Variants in RYK observed in about 807,000 individuals in gnomAD.
The protein encoded by RYK is receptor like tyrosine kinase.
In RYK, 21 loss-of-function variants were observed where a neutral mutation model predicts 70.2. The ratio of observed to expected loss-of-function variants is 0.30; its 90% CI spans 0.21 to 0.43. The LOEUF is 0.43. Among genes scored for constraint, RYK ranks in the 20% least tolerant of loss-of-function variants. The pLI is 1.00. For missense variants in RYK, 604 were observed against 753.3 expected, an observed-to-expected ratio of 0.80 and a Z score of 2.32; for synonymous variants, 267 against 278.0, an observed-to-expected ratio of 0.96 and a Z score of 0.39.
chr3:134,202,970 G>A (rs1282052516), intron 5 of RYK, 96 bp from the exon 6 acceptor site: 1 of 956,282 alleles, frequency 1.0e-6, no homozygotes, highest in Non-Finnish European at 1.6e-6. Flanking sequence ...CTTTTCATGT[G>A]CCCATTCTTT....
chr3:134,198,429 G>T (rs2013881661), intron 6 of RYK, among the ~76,000 whole-genome samples: 1 of 152,208 alleles, frequency 6.6e-6, no homozygotes, highest in Non-Finnish European at 1.5e-5. Context: ...ATACAGCAAT[G>T]AATGCAACAG....
chr3:134,175,579 CT>C, intron 13 of RYK, 29 bp downstream of exon 13: 1 of 1,598,194 alleles, frequency 6.3e-7, no homozygotes, highest in Non-Finnish European at 8.5e-7. Context: ...TTTCTCTATT[CT>C]TTTGCTATCT....
At chr3:134,235,773 A>G (rs1003916174) in intron 1 of RYK, among the ~76,000 whole-genome samples, 2 of 152,138 alleles carry the variant, frequency 1.3e-5, no homozygotes, top group African/African-American at 4.8e-5. Flanking sequence ...AGGTTAAGTG[A>G]GTAGTGAGAA....
At chr3:134,214,803 A>T (rs1560019361) in intron 2 of RYK, among the ~76,000 whole-genome samples, 1 of 152,138 alleles carries the variant, frequency 6.6e-6, no homozygotes, top group Non-Finnish European at 1.5e-5. Flanking sequence ...ACTAGTACAG[A>T]GGAACCCCAT....
chr3:134,244,910 G>A (rs1334743961), intron 1 of RYK, among the ~76,000 whole-genome samples: 2 of 152,096 alleles, frequency 1.3e-5, no homozygotes, highest in Admixed American at 1.3e-4. Flanking sequence ...AAAGACCCAG[G>A]GGAGCTCGTT....
chr3:134,230,316 A>G (rs1235362318), intron 1 of RYK, among the ~76,000 whole-genome samples: 3 of 152,188 alleles, frequency 2.0e-5, no homozygotes, highest in African/African-American at 4.8e-5. Context: ...CCTGACCTCA[A>G]GTGATCCATC....
At chr3:134,216,654 A>G (rs1157944578) in intron 2 of RYK, among the ~76,000 whole-genome samples, 2 of 151,698 alleles carry the variant, frequency 1.3e-5, no homozygotes, top group Non-Finnish European at 2.9e-5. Flanking sequence ...TTAGCTGGGC[A>G]TGGTAGCGGG....
At position 134,188,941 on chromosome 3, in the gene RYK, A is replaced by T. The variant is rs754483794; in HGVS notation, c.1016-18T>A. 6 of 1,340,624 alleles carry T rather than the reference A, an allele frequency of 4.5e-6. No individual in the cohort carries two copies. Among genetic ancestry groups the T allele is most frequent in the African/African-American group, 1.5e-5 (1 of 68,540 alleles). The allele number at this position is 1,340,624 out of a possible 1,614,324, so 83.0% of individuals were successfully genotyped here. Reference sequence around the variant, plus strand: ...AAAAGTACCTAAAAGGAAAAGTAATAATTAATGAGATCATACAACATTCAT... The same window carrying T: ...AAAAGTACCTAAAAGGAAAAGTAATTATTAATGAGATCATACAACATTCAT... On this transcript the variant is annotated intron_variant, in intron 8 of 14. Coordinates refer to ENST00000623711, the MANE Select transcript of RYK (RefSeq NM_002958.4).
chr3:134,160,100 CAA>C (rs2012406308), intron 13 of RYK, among the ~76,000 whole-genome samples: 1 of 152,176 alleles, frequency 6.6e-6, no homozygotes, highest in Admixed American at 6.5e-5. Flanking sequence ...GATCTGCCGC[CAA>C]GTGTGAACCC....
chr3:134,212,696 C>T lies in RYK; in HGVS notation c.355-1089G>A, dbSNP rs150094033. On this transcript the variant is annotated intron_variant, in intron 2 of 14. Coordinates refer to ENST00000623711, the MANE Select transcript of RYK (RefSeq NM_002958.4). Reference sequence around the variant, plus strand: ...TATATATGCTAGTGAAAAAAGCTAACGAAATGGTACATAATAAAGATGAAA... The same window carrying T: ...TATATATGCTAGTGAAAAAAGCTAATGAAATGGTACATAATAAAGATGAAA... Among the ~76,000 whole-genome samples, 498 of 151,994 alleles carry T rather than the reference C, an allele frequency of 3.3e-3. 2 individuals carry two copies. Among genetic ancestry groups the T allele is most frequent in the African/African-American group, 0.011 (459 of 41,472 alleles).
At chr3:134,192,390 A>G (rs1229928434) in intron 7 of RYK, among the ~76,000 whole-genome samples, 2 of 150,728 alleles carry the variant, frequency 1.3e-5, no homozygotes, top group African/African-American at 4.8e-5. Context: ...ATGTTTGAAA[A>G]GATTTTTTTC....
intron 1 of RYK, among the ~76,000 whole-genome samples, chr3:134,249,772 T>C (rs548714312): frequency 5.3e-5 from 8 of 152,168 alleles, no homozygotes; most frequent in East Asian, 1.9e-4. Flanking sequence ...CAAAAAGGTA[T>C]TGAAACTAAA....
intron 9 of RYK, among the ~76,000 whole-genome samples, chr3:134,186,220 A>T (rs2013455485): frequency 6.6e-6 from 1 of 152,256 alleles, no homozygotes; most frequent in Admixed American, 6.5e-5. Context: ...TTTAGTGTGT[A>T]AGATTCGGGT....
chr3:134,236,358 G>C (rs1298356919), intron 1 of RYK, among the ~76,000 whole-genome samples: 1 of 152,082 alleles, frequency 6.6e-6, no homozygotes, highest in African/African-American at 2.4e-5. Context: ...ATTTACAATA[G>C]CATCCAAAAG....
At chr3:134,216,246 C>CT (rs901531096) in intron 2 of RYK, among the ~76,000 whole-genome samples, 133 of 152,290 alleles carry the variant, frequency 8.7e-4, no homozygotes, top group African/African-American at 3.1e-3. Context: ...AGTGAATACA[C>CT]TTGTCTACAG....
chr3:134,216,041 AAAAAAGAAAAAG>A (rs1286092283), intron 2 of RYK, among the ~76,000 whole-genome samples: 1 of 151,764 alleles, frequency 6.6e-6, no homozygotes, highest in Non-Finnish European at 1.5e-5. Flanking sequence ...GTCTCAAAAA[AAAAAAGAAAAAG>A]AAAAAGAAAA....
At chr3:134,165,493 T>C (rs1448057837) in intron 13 of RYK, among the ~76,000 whole-genome samples, 1 of 152,230 alleles carries the variant, frequency 6.6e-6, no homozygotes, top group Non-Finnish European at 1.5e-5. Flanking sequence ...GGTTTTTCTG[T>C]AGACGCCCTT....
At chr3:134,197,845 A>T (rs1045891889) in intron 6 of RYK, among the ~76,000 whole-genome samples, 5 of 152,244 alleles carry the variant, frequency 3.3e-5, no homozygotes, top group African/African-American at 1.2e-4. Context: ...TCTCTCCATT[A>T]ACTTAACAGT....
chr3:134,227,694 G>A (rs2014949286), intron 1 of RYK, among the ~76,000 whole-genome samples: 1 of 151,532 alleles, frequency 6.6e-6, no homozygotes, highest in Non-Finnish European at 1.5e-5. Context: ...TTTTTAAGAT[G>A]AGTCTTGCTC....
Sources: gnomAD v4.1 joint callset for allele counts (sites outside exome capture counted in the v4.1 genomes callset) on GRCh38, gnomAD v4.1.1 for gene constraint, MANE v1.5 for transcripts, NCBI Gene and HGNC (gene_info 2026-07-23, HGNC 2026-07-21) for gene names.